Variants in CNOT1 observed in about 807,000 individuals in gnomAD.
CNOT1 encodes the protein CCR4-NOT transcription complex subunit 1.
A neutral mutation model predicts 273.8 loss-of-function variants in CNOT1; 15 were observed. The ratio of observed to expected loss-of-function variants is 0.05; its 90% confidence interval spans 0.04 to 0.08. CNOT1 has a LOEUF of 0.08. CNOT1 is among the 10% of genes least tolerant of loss of function. CNOT1 has a pLI of 1.00. For synonymous variants in CNOT1, 1,022 were observed against 1,005.5 expected, an observed-to-expected ratio of 1.02 and a Z score of -0.31; for missense variants, 1,644 against 2,912.2, an observed-to-expected ratio of 0.56 and a Z score of 10.02.
intron 35 of CNOT1, 141 bp downstream of exon 35, chr16:58,539,624 GAAA>G: frequency 1.5e-6 from 1 of 681,130 alleles, no homozygotes; most frequent in Non-Finnish European, 2.1e-6. Context: ...TTCTACGTTG[GAAA>G]AAAAAAAAAT....
At chr16:58,571,132 AATATACCAAG>A (rs777068788) in intron 16 of CNOT1, among the ~76,000 whole-genome samples, 3 of 152,204 alleles carry the variant, frequency 2.0e-5, no homozygotes, top group Admixed American at 1.3e-4. Flanking sequence ...ACAAAACAAA[AATATACCAAG>A]CAAACCACCA....
At position 58,546,472 on chromosome 16, in the gene CNOT1, A is replaced by G. The variant is rs1187868303; in HGVS notation, c.3855T>C (p.Val1285=). 1 of 1,613,590 alleles carries G rather than the reference A, an allele frequency of 6.2e-7. No homozygotes were observed. The highest frequency in any genetic ancestry group is 1.7e-4 in the Middle Eastern group (1 of 6,056). The change falls in exon 29 of 49, where the codon GTT becomes GTC. Residue 1285 remains valine, a synonymous_variant. Coordinates refer to ENST00000317147, the MANE Select transcript of CNOT1 (RefSeq NM_016284.5). ...LKLNLKFEIE[V]LCKNLALDIN... ...TGTCTAATGCAAGGTTCTTGCAGAG[A>G]ACCTCGATTTCAAACTTCAAGTTTA...
chr16:58,619,760 C>T (rs1456752938), intron 1 of CNOT1, among the ~76,000 whole-genome samples: 1 of 152,070 alleles, frequency 6.6e-6, no homozygotes, highest in East Asian at 1.9e-4. Flanking sequence ...ATGAAAAATT[C>T]AAATCTTGTT....
At chr16:58,561,979 G>A (rs1307781332) in intron 16 of CNOT1, among the ~76,000 whole-genome samples, 6 of 151,972 alleles carry the variant, frequency 3.9e-5, no homozygotes, top group Non-Finnish European at 7.4e-5. Flanking sequence ...ACTCAGGTCA[G>A]AAGCTGAGGT....
intron 1 of CNOT1, among the ~76,000 whole-genome samples, chr16:58,627,660 T>C (rs1386724056): frequency 6.7e-6 from 1 of 150,054 alleles, no homozygotes; most frequent in Non-Finnish European, 1.5e-5. Context: ...ATTCAGAAAC[T>C]AGAAAAAAAG....
intron 18 of CNOT1, among the ~76,000 whole-genome samples, chr16:58,558,228 T>TA (rs907710749): frequency 3.3e-5 from 5 of 152,216 alleles, no homozygotes; most frequent in African/African-American, 9.6e-5. Context: ...CATTTGTTAA[T>TA]AAAAAATCCT....
At position 58,546,340 on chromosome 16, in the gene CNOT1, G is replaced by A; in HGVS notation, c.3987C>T (p.Leu1329=). ...ACTTACTTGTGGTTGTGATGGGAGG[G>A]AGTTCTTCTGGCTGCTTGACATCTT... is the stretch of plus-strand genomic sequence containing the variant. The part of the protein sequence containing the change: ...PKKDVKQPEE[L]PPITTTTTST... Residue 1329 remains leucine (L), a synonymous_variant, in exon 29 of 49, where the codon CTC becomes CTT. Coordinates refer to ENST00000317147, the MANE Select transcript of CNOT1 (RefSeq NM_016284.5). 2 of 1,613,646 alleles carry A rather than the reference G, an allele frequency of 1.2e-6. No individual in the cohort carries two copies. Among genetic ancestry groups the A allele is most frequent in the Non-Finnish European group, 1.7e-6 (2 of 1,179,692 alleles).
chr16:58,607,628 A>G (rs1183173790), intron 1 of CNOT1, among the ~76,000 whole-genome samples: 1 of 149,578 alleles, frequency 6.7e-6, no homozygotes, highest in Non-Finnish European at 1.5e-5. Flanking sequence ...TAGGAGGCTG[A>G]GGCAGGAAAA....
At chr16:58,587,915 C>A (rs746346627) in intron 3 of CNOT1, 37 bp from the exon 4 acceptor site, 4 of 1,578,404 alleles carry the variant, frequency 2.5e-6, no homozygotes, top group South Asian at 1.1e-5. Context: ...TAGCACTAAT[C>A]ATCATCTAAG....
chr16:58,538,365 G>T, intron 36 of CNOT1, 99 bp from the exon 37 acceptor site: 1 of 700,614 alleles, frequency 1.4e-6, no homozygotes. Context: ...AGAATGCCTT[G>T]AGATTCAACT....
rs958205025 is a variant in CNOT1, at chr16:58,520,739, G to T, written c.*219C>A. The T allele has an allele frequency of 7.1e-6, 4 of 566,638 alleles. No homozygotes were observed. Among genetic ancestry groups the T allele is most frequent in the African/African-American group, 5.6e-5 (3 of 53,274 alleles). The allele number at this position is 566,638 out of a possible 1,614,324, so 35.1% of individuals were successfully genotyped here. A position where few individuals can be genotyped will look rare whatever the true frequency, so the allele number is the denominator to read the frequency against. On this transcript the variant is annotated 3_prime_UTR_variant, in exon 49 of 49. Coordinates refer to ENST00000317147, the MANE Select transcript of CNOT1 (RefSeq NM_016284.5). Reference sequence around the variant, plus strand: ...ACACAAGTTCAAAATGATATTCACAGCATCTTCTAAATTTTGGCCAAGAGT... The same window carrying T: ...ACACAAGTTCAAAATGATATTCACATCATCTTCTAAATTTTGGCCAAGAGT...
Position 58,585,435 on chromosome 16 carries a change from C to G in CNOT1, c.709G>C (p.Asp237His). The G allele has an allele frequency of 6.2e-7, 1 of 1,613,746 alleles. No individual in the cohort carries two copies. Among genetic ancestry groups the G allele is most frequent in the South Asian group, 1.1e-5 (1 of 91,076 alleles). Reference sequence around the variant, plus strand: ...CCTCCGGAATCAGGCAGGATCCTGTCCATTAGAATGTCCCGTTTTTCAGGG... The same window carrying G: ...CCTCCGGAATCAGGCAGGATCCTGTGCATTAGAATGTCCCGTTTTTCAGGG... ...LYPEKRDILMDRILPDSGGVA... is the reference protein window; with the variant it reads ...LYPEKRDILMHRILPDSGGVA... Residue 237 changes from aspartate to histidine, a missense_variant, in exon 8 of 49, where the codon GAC becomes CAC. Transcript: ENST00000317147.
At chr16:58,581,700 T>TCG (rs1323765190) in intron 10 of CNOT1, among the ~76,000 whole-genome samples, 185 bp from the exon 11 acceptor site, 1 of 152,154 alleles carries the variant, frequency 6.6e-6, no homozygotes, top group East Asian at 1.9e-4. Context: ...CTCACTCCGT[T>TCG]GCTCAGGCTG....
intron 43 of CNOT1, among the ~76,000 whole-genome samples, chr16:58,528,859 T>TA (rs2039683348): frequency 6.6e-6 from 1 of 151,694 alleles, no homozygotes; most frequent in African/African-American, 2.4e-5. Flanking sequence ...ATCAAGAGTT[T>TA]ACAGGCTGAA....
intron 12 of CNOT1, 57 bp downstream of exon 12, chr16:58,580,576 T>C: frequency 6.4e-7 from 1 of 1,573,854 alleles, no homozygotes; most frequent in Non-Finnish European, 8.6e-7. Flanking sequence ...CTATTAACTT[T>C]ATATTTCACA....
intron 2 of CNOT1, among the ~76,000 whole-genome samples, chr16:58,594,530 G>A (rs145665462): frequency 9.2e-5 from 14 of 152,114 alleles, no homozygotes; most frequent in Admixed American, 4.6e-4. Context: ...CTGGCCAGGC[G>A]TGGGGGCTCA....
rs2039343036 is a variant in CNOT1, at chr16:58,520,875, G to C, written c.*83C>G. On this transcript the variant is annotated 3_prime_UTR_variant, in exon 49 of 49. Coordinates refer to ENST00000317147, the MANE Select transcript of CNOT1 (RefSeq NM_016284.5). Reference sequence around the variant, plus strand: ...CAAAGGGCTGGGAAAGTCAGGAAGAGCTGAAAGGATTCTTCAGTCAGTTTA... The same window carrying C: ...CAAAGGGCTGGGAAAGTCAGGAAGACCTGAAAGGATTCTTCAGTCAGTTTA... 7.1e-7 allele frequency: 1 copy of C among 1,404,944 alleles called. No homozygotes were observed. Among genetic ancestry groups the C allele is most frequent in the Non-Finnish European group, 1.0e-6 (1 of 1,003,064 alleles). 87.0% of individuals were successfully genotyped at this position (1,404,944 alleles called of 1,614,324 possible).
rs765073553 is a variant in CNOT1 at position 58,555,500 on chromosome 16, A to C, written c.2642T>G (p.Ile881Arg). Reference sequence around the variant, plus strand: ...GTTAAATACTTCTCGTTCCCTCTTTATAGTAGAGTCTTTAAATCTCTGCAG... The same window carrying C: ...GTTAAATACTTCTCGTTCCCTCTTTCTAGTAGAGTCTTTAAATCTCTGCAG... Reference protein sequence around the residue: ...EMLQRFKDSTIKREREVFNCM... With the variant: ...EMLQRFKDSTRKREREVFNCM... The change falls in exon 21 of 49, where the codon ATA becomes AGA. Residue 881 changes from isoleucine to arginine, a missense_variant. Physicochemically the swap from Ile to Arg is moderately conservative, Grantham distance 97. Coordinates refer to ENST00000317147, the MANE Select transcript of CNOT1 (RefSeq NM_016284.5). 6.2e-7 allele frequency: 1 copy of C among 1,613,976 alleles called. No homozygotes were observed. The highest frequency in any genetic ancestry group is 8.5e-7 in the Non-Finnish European group (1 of 1,180,024).
In CNOT1 at chr16:58,552,543, G is replaced by T. The variant is rs147754823; in HGVS notation, c.2971-724C>A. Among the ~76,000 whole-genome samples, 19 of 152,212 alleles carry T rather than the reference G, an allele frequency of 1.2e-4. No homozygotes were observed. The East Asian group carries it at 3.5e-3, about 28-fold the overall frequency. On this transcript the variant is annotated intron_variant, in intron 22 of 48. Transcript: ENST00000317147. ...CTCACTCTTTCTCCAAGTCTTTCAA[G>T]CTCTATATTCCTGTCTCTTAATTTG...
Sources: gnomAD v4.1 joint callset for allele counts (sites outside exome capture counted in the v4.1 genomes callset) on GRCh38, gnomAD v4.1.1 for gene constraint, MANE v1.5 for transcripts, NCBI Gene and HGNC (gene_info 2026-07-23, HGNC 2026-07-21) for gene names.